PLEKHA5: variants seen among roughly 807,000 people sequenced by gnomAD.
PLEKHA5 encodes the protein pleckstrin homology domain containing A5.
In PLEKHA5, 55 loss-of-function variants were observed where a neutral mutation model predicts 181.9. That is an observed-to-expected ratio of 0.30 (90% CI 0.24 to 0.38). The LOEUF (loss-of-function observed/expected upper bound fraction) is 0.38, where lower values mean the gene tolerates loss of function less well. PLEKHA5 is among the 10% of genes least tolerant of loss of function. The pLI is 1.00. For synonymous variants in PLEKHA5, 535 were observed against 529.4 expected (o/e 1.01, Z -0.15); for missense variants, 1,432 against 1,549.5 (o/e 0.92, Z 1.27).
intron 3 of PLEKHA5, chr12:19,150,305 A>T (rs963576129): frequency 2.6e-5 from 4 of 152,068 alleles, no homozygotes; most frequent in African/African-American, 9.7e-5. Context: ...TCCAAAATAG[A>T]TCTGACTGAT....
intron 20 of PLEKHA5, among the ~76,000 whole-genome samples, chr12:19,329,254 G>A (rs962024686): frequency 6.6e-6 from 1 of 152,036 alleles, no homozygotes; most frequent in African/African-American, 2.4e-5. Context: ...TCTTGTTGAG[G>A]ATTTTTGCAT....
At chr12:19,303,607 A>C (rs1473924663) in intron 15 of PLEKHA5, 3 of 152,070 alleles carry the variant, frequency 2.0e-5, no homozygotes, top group Non-Finnish European at 2.9e-5. Flanking sequence ...TAAGTTCAGC[A>C]TCAATATGGC....
At position 19,229,461 on chromosome 12, in the gene PLEKHA5, C is replaced by T. The variant is rs377333322; in HGVS notation, c.228-24479C>T. Reference sequence around the variant, plus strand: ...TCAGGAGTGAAGCTGCAGACCTTCGCGGTGAGTGTTACAGCTCTTAAGGTG... The same window carrying T: ...TCAGGAGTGAAGCTGCAGACCTTCGTGGTGAGTGTTACAGCTCTTAAGGTG... On this transcript the variant is annotated intron_variant, in intron 3 of 31. Coordinates refer to ENST00000429027, the MANE Select transcript of PLEKHA5 (RefSeq NM_001256470.2). Among the ~76,000 whole-genome samples, 53 of 152,134 alleles carry T rather than the reference C, an allele frequency of 3.5e-4. 1 individual carries two copies. In the South Asian group the frequency reaches 9.8e-3, roughly 28 times the overall value.
At chr12:19,163,157 C>T (rs2043380044) in intron 3 of PLEKHA5, among the ~76,000 whole-genome samples, 2 of 151,392 alleles carry the variant, frequency 1.3e-5, no homozygotes, top group African/African-American at 4.9e-5. Flanking sequence ...GCTAGTTAAC[C>T]AGGATCCAGA....
intron 3 of PLEKHA5, among the ~76,000 whole-genome samples, chr12:19,170,247 T>C (rs1451653044): frequency 1.3e-5 from 2 of 152,210 alleles, no homozygotes; most frequent in Non-Finnish European, 2.9e-5. Flanking sequence ...AATATGTGGA[T>C]GGCTTATATG....
intron 3 of PLEKHA5, among the ~76,000 whole-genome samples, chr12:19,197,020 T>A (rs1592024759): frequency 6.6e-6 from 1 of 152,114 alleles, no homozygotes; most frequent in Non-Finnish European, 1.5e-5. Flanking sequence ...GAAGTGAATA[T>A]ACCTCCTGCC....
chr12:19,320,610 G>A lies in PLEKHA5; in HGVS notation c.2203G>A (p.Glu735Lys), dbSNP rs779585864. 1.4e-6 allele frequency: 2 copies of A among 1,477,044 alleles called. No individual in the cohort carries two copies. Among genetic ancestry groups the A allele is most frequent in the Admixed American group, 3.5e-5 (2 of 57,818 alleles). The allele number at this position is 1,477,044 out of a possible 1,614,324, so 91.5% of individuals were successfully genotyped here. Residue 735 changes from glutamate to lysine, a missense_variant, in exon 18 of 32, where the codon GAA becomes AAA. Physicochemically the swap from Glu to Lys is moderately conservative, Grantham distance 56 (BLOSUM62 1). Coordinates refer to ENST00000429027, the MANE Select transcript of PLEKHA5 (RefSeq NM_001256470.2). Reference sequence around the variant, plus strand: ...CACATTATACAAATACAGACCTGAAGAAGTAGATATTGATGTAAGTATTAG... The same window carrying A: ...CACATTATACAAATACAGACCTGAAAAAGTAGATATTGATGTAAGTATTAG... ...RGTLYKYRPE[E>K]VDIDAKLSRL...
intron 3 of PLEKHA5, among the ~76,000 whole-genome samples, chr12:19,231,345 G>C (rs2060507855): frequency 6.6e-6 from 1 of 151,830 alleles, no homozygotes; most frequent in African/African-American, 2.4e-5. Flanking sequence ...AAACGAGTTA[G>C]ATTTTATTTC....
At chr12:19,319,828 T>C (rs2090142787) in intron 16 of PLEKHA5, 193 bp from the exon 17 acceptor site, 2 of 409,016 alleles carry the variant, frequency 4.9e-6, no homozygotes, top group Non-Finnish European at 8.7e-6. Flanking sequence ...GGGCAGAAGC[T>C]GAAGAAAGGA....
chr12:19,171,367 A>G (rs1488619741), intron 3 of PLEKHA5, among the ~76,000 whole-genome samples: 1 of 152,238 alleles, frequency 6.6e-6, no homozygotes, highest in Non-Finnish European at 1.5e-5. Context: ...AGAGACACTC[A>G]TACCCTGTAA....
intron 3 of PLEKHA5, among the ~76,000 whole-genome samples, chr12:19,133,801 T>C (rs2034759401): frequency 6.6e-6 from 1 of 152,004 alleles, no homozygotes; most frequent in Non-Finnish European, 1.5e-5. Flanking sequence ...TACTATACAT[T>C]ATTAGATGGC....
chr12:19,369,639 T>C (rs2095527485), intron 30 of PLEKHA5, 54 bp from the exon 31 acceptor site: 1 of 1,099,888 alleles, frequency 9.1e-7, no homozygotes, highest in Non-Finnish European at 1.4e-6. Context: ...GATTTACTTC[T>C]CCAAATGTGT....
At chr12:19,363,114 CTTTT>C (rs1269500204) in intron 29 of PLEKHA5, among the ~76,000 whole-genome samples, 1 of 91,238 alleles carries the variant, frequency 1.1e-5, no homozygotes, top group Non-Finnish European at 3.4e-5. Context: ...AGCTATATTT[CTTTT>C]TTTGTTTTTT....
chr12:19,168,814 T>C (rs1473465147), intron 3 of PLEKHA5, among the ~76,000 whole-genome samples: 1 of 152,182 alleles, frequency 6.6e-6, no homozygotes, highest in Non-Finnish European at 1.5e-5. Flanking sequence ...TGAATAATGG[T>C]GAAATAATGA....
At chr12:19,135,546 T>A (rs1028147585) in intron 3 of PLEKHA5, among the ~76,000 whole-genome samples, 2 of 152,176 alleles carry the variant, frequency 1.3e-5, no homozygotes, top group African/African-American at 4.8e-5. Context: ...TTATCCTCCC[T>A]CTTTAAGCTT....
rs775969250 is a variant in PLEKHA5, at chr12:19,306,540, G to A, written c.2038-8274G>A. ...AGCAGGAGGGAGAACGCCGCGAGCA[G>A]CGCCGTGAGCAACACTACCATCGTC... On this transcript the variant is annotated intron_variant, in intron 15 of 31. Coordinates refer to ENST00000429027, the MANE Select transcript of PLEKHA5 (RefSeq NM_001256470.2). The A allele has an allele frequency of 6.7e-6, 5 of 749,782 alleles. No individual in the cohort carries two copies. In the African/African-American group the frequency reaches 6.9e-5, roughly 10 times the overall value. 46.4% of individuals were successfully genotyped at this position (749,782 alleles called of 1,614,324 possible). A position where few individuals can be genotyped will look rare whatever the true frequency, so the allele number is the denominator to read the frequency against.
intron 15 of PLEKHA5, among the ~76,000 whole-genome samples, chr12:19,294,497 A>G (rs1298366540): frequency 1.3e-5 from 2 of 152,186 alleles, no homozygotes; most frequent in Admixed American, 1.3e-4. Flanking sequence ...ATATATCATA[A>G]CAAATGAACA....
At chr12:19,335,201 T>G (rs2153116200) in intron 20 of PLEKHA5, among the ~76,000 whole-genome samples, 1 of 150,686 alleles carries the variant, frequency 6.6e-6, no homozygotes, top group Non-Finnish European at 1.5e-5. Context: ...CCAGAGAATT[T>G]TTGTATTTTT....
chr12:19,306,971 C>G, intron 15 of PLEKHA5: 1 of 1,370,630 alleles, frequency 7.3e-7, no homozygotes, highest in Non-Finnish European at 1.0e-6. Context: ...AACCCACTTA[C>G]TCAGACTGGC....
Sources: allele counts gnomAD v4.1 joint callset (sites outside exome capture counted in the v4.1 genomes callset), GRCh38; gene constraint gnomAD v4.1.1; transcripts MANE v1.5; gene names NCBI Gene and HGNC (gene_info 2026-07-23, HGNC 2026-07-21).